Variants in GLI3 observed in about 807,000 individuals in gnomAD.
The protein encoded by GLI3 is transcription activator GLI3.
GLI3 carries 20 observed loss-of-function variants against 100.8 expected under a neutral mutation model. The observed-to-expected ratio is 0.20, with a 90% CI of 0.14 to 0.29. The LOEUF (loss-of-function observed/expected upper bound fraction) is 0.29. Among genes scored for constraint, GLI3 ranks in the 10% least tolerant of loss-of-function variants. The pLI is 1.00. For missense variants in GLI3, 2,040 were observed against 2,128.5 expected (o/e 0.96, Z 0.82); for synonymous variants, 938 against 860.5 (o/e 1.09, Z -1.58).
intron 3 of GLI3, among the ~76,000 whole-genome samples, chr7:42,117,943 A>C (rs529841429): frequency 7.2e-5 from 11 of 152,194 alleles, no homozygotes; most frequent in Admixed American, 2.6e-4. Context: ...ATAGTTAATT[A>C]AATGTCCACT....
intron 2 of GLI3, among the ~76,000 whole-genome samples, chr7:42,208,594 G>A (rs1057501000): frequency 6.6e-6 from 1 of 152,132 alleles, no homozygotes; most frequent in Non-Finnish European, 1.5e-5. Flanking sequence ...AAAGTTTATT[G>A]TACTCTTGGT....
intron 3 of GLI3, among the ~76,000 whole-genome samples, chr7:42,088,745 G>T (rs368185103): frequency 1.3e-5 from 2 of 152,224 alleles, no homozygotes; most frequent in Admixed American, 1.3e-4. Flanking sequence ...AGGCTTGGGG[G>T]TGTCAACAAA....
intron 1 of GLI3, among the ~76,000 whole-genome samples, chr7:42,230,151 AT>A (rs1418320890): frequency 7.0e-6 from 1 of 142,198 alleles, no homozygotes; most frequent in Non-Finnish European, 1.5e-5. Flanking sequence ...TGAAATCTTC[AT>A]TAATTTTTAA....
At chr7:42,007,331 C>A (rs1788486451) in intron 10 of GLI3, among the ~76,000 whole-genome samples, 1 of 151,378 alleles carries the variant, frequency 6.6e-6, no homozygotes. Context: ...GTTCTTATGT[C>A]ATCTCTTATG....
At position 42,117,384 on chromosome 7, in the gene GLI3, AGTTTTACAT is replaced by A. The variant is rs1345762097; in HGVS notation, c.367+30833_367+30841del. 5.9e-5 allele frequency among the ~76,000 whole-genome samples: 9 copies of A among 152,324 alleles called. No homozygotes were observed. The East Asian group carries it at 1.7e-3, about 29-fold the overall frequency. ...CAAGGCTGTCACCTGTCTGACAGGT[AGTTTTACAT>A]GTTTTACATGTTGCAGTACCAAGGA... is the stretch of plus-strand genomic sequence containing the variant. On this transcript the variant is annotated intron_variant, in intron 3 of 14. Coordinates refer to ENST00000395925, the MANE Select transcript of GLI3 (RefSeq NM_000168.6).
chr7:42,024,902 C>T (rs939104871), intron 9 of GLI3, among the ~76,000 whole-genome samples: 3 of 152,174 alleles, frequency 2.0e-5, no homozygotes, highest in African/African-American at 7.2e-5. Context: ...CTCAATAATT[C>T]AGGCCCAAAA....
chr7:42,000,375 G>C (rs1043352211), intron 10 of GLI3, among the ~76,000 whole-genome samples: 1 of 152,048 alleles, frequency 6.6e-6, no homozygotes, highest in African/African-American at 2.4e-5. Flanking sequence ...ATCAGAAAAA[G>C]CAAACAAATT....
intron 2 of GLI3, among the ~76,000 whole-genome samples, chr7:42,148,676 C>T (rs1165637385): frequency 6.6e-6 from 1 of 152,190 alleles, no homozygotes; most frequent in African/African-American, 2.4e-5. Context: ...CACAAATACA[C>T]AGGGAAGGAT....
At chr7:42,184,817 G>A (rs1787687132) in intron 2 of GLI3, among the ~76,000 whole-genome samples, 1 of 152,090 alleles carries the variant, frequency 6.6e-6, no homozygotes. Flanking sequence ...AGCCGTCTCA[G>A]TACGACTTGG....
intron 3 of GLI3, among the ~76,000 whole-genome samples, chr7:42,134,632 C>G (rs1786381652): frequency 1.3e-5 from 2 of 152,220 alleles, no homozygotes; most frequent in Middle Eastern, 3.4e-3. Context: ...GAAATCAACA[C>G]TGACAAAGAC....
In GLI3 at chr7:41,964,537, A is replaced by G. The variant is rs560716408; in HGVS notation, c.4536T>C (p.Asp1512=). 3.7e-6 allele frequency: 6 copies of G among 1,613,872 alleles called. No homozygotes were observed. In the South Asian group the frequency reaches 6.6e-5, roughly 18 times the overall value. ...VQIDFDAIID[D]GDHSSLMSGA... The stretch of plus-strand genomic sequence containing the variant: ...CCGACATCAGGCTGGAGTGGTCCCC[A>G]TCGTCTATGATGGCATCGAAGTCAA... Residue 1512 remains aspartate (D), a synonymous_variant, in exon 15 of 15, where the codon GAT becomes GAC. Coordinates refer to ENST00000395925, the MANE Select transcript of GLI3 (RefSeq NM_000168.6).
At chr7:42,034,861 CT>C (rs1789396925) in intron 7 of GLI3, among the ~76,000 whole-genome samples, 1 of 152,056 alleles carries the variant, frequency 6.6e-6, no homozygotes, top group African/African-American at 2.4e-5. Flanking sequence ...TATTAATATG[CT>C]TAGAGGCTTT....
In GLI3 at chr7:41,965,842, G is replaced by T; in HGVS notation, c.3231C>A (p.Ser1077=). ...GGTTGGCATCAGCGTCCATGGTCAG[G>T]GACTCCAGGGTGACGTTCTCGGTGA... ...PSITENVTLE[S]LTMDADANLN... The change falls in exon 15 of 15, where the codon TCC becomes TCA. Residue 1077 remains serine, a synonymous_variant. Coordinates refer to ENST00000395925, the MANE Select transcript of GLI3 (RefSeq NM_000168.6). The T allele has an allele frequency of 6.2e-7, 1 of 1,613,670 alleles. No individual in the cohort carries two copies. The highest frequency in any genetic ancestry group is 8.5e-7 in the Non-Finnish European group (1 of 1,179,912).
chr7:42,000,758 G>T (rs1265604901), intron 10 of GLI3, among the ~76,000 whole-genome samples: 1 of 152,170 alleles, frequency 6.6e-6, no homozygotes, highest in African/African-American at 2.4e-5. Flanking sequence ...AGGCAGCAAG[G>T]AGCTGATTGA....
At chr7:42,185,883 A>C (rs144947071) in intron 2 of GLI3, among the ~76,000 whole-genome samples, 197 of 152,296 alleles carry the variant, frequency 1.3e-3, no homozygotes, top group Admixed American at 3.8e-3. Context: ...CCCTGGAGTC[A>C]TGGGGCATGT....
chr7:42,098,176 G>A (rs1785382270), intron 3 of GLI3, among the ~76,000 whole-genome samples: 2 of 152,016 alleles, frequency 1.3e-5, no homozygotes, highest in South Asian at 4.2e-4. Context: ...AGTGGCTGTG[G>A]GAAGGCAGGA....
chr7:41,987,008 A>T (rs1253294505), intron 10 of GLI3, among the ~76,000 whole-genome samples: 1 of 151,908 alleles, frequency 6.6e-6, no homozygotes, highest in East Asian at 1.9e-4. Flanking sequence ...CTTCAGACTG[A>T]CTGGGGTAGG....
intron 1 of GLI3, among the ~76,000 whole-genome samples, chr7:42,253,104 C>T (rs142441160): frequency 5.9e-5 from 9 of 152,302 alleles, no homozygotes; most frequent in East Asian, 3.9e-4. Flanking sequence ...TTAGGGCAGA[C>T]GCCTTGTAGC....
At position 41,965,989 on chromosome 7, in the gene GLI3, G is replaced by A. The variant is rs79703713; in HGVS notation, c.3084C>T (p.Ser1028=). The change falls in exon 15 of 15, where the codon AGC becomes AGT. Residue 1028 remains serine, a synonymous_variant. Transcript: ENST00000395925. The part of the protein sequence containing the change: ...LPRVPRFSSL[S]SCNPPAMATS... ...TGGCCATCGCCGGGGGGTTGCAGCT[G>A]CTGAGGCTGCTGAAGCGCGGCACAC... 0.019 allele frequency: 29,925 copies of A among 1,604,450 alleles called. 348 individuals are homozygous for A. The highest frequency in any genetic ancestry group is 0.023 in the Non-Finnish European group (27,400 of 1,179,166).
Sources: gnomAD v4.1 joint callset for allele counts (sites outside exome capture counted in the v4.1 genomes callset) on GRCh38, gnomAD v4.1.1 for gene constraint, MANE v1.5 for transcripts, NCBI Gene and HGNC (gene_info 2026-07-23, HGNC 2026-07-21) for gene names.